Variants in PTPN4 observed in about 807,000 individuals in gnomAD.
PTPN4 encodes tyrosine-protein phosphatase non-receptor type 4.
In PTPN4, 49 loss-of-function variants were observed where a neutral mutation model predicts 135.5. That is an observed-to-expected ratio of 0.36 (90% CI 0.29 to 0.46). PTPN4 has a LOEUF of 0.46. Among genes scored for constraint, PTPN4 ranks in the 20% least tolerant of loss-of-function variants. PTPN4 has a pLI of 1.00. For synonymous variants in PTPN4, 333 were observed against 369.9 expected, an observed-to-expected ratio of 0.90 and a Z score of 1.14; for missense variants, 860 against 1,101.0, an observed-to-expected ratio of 0.78 and a Z score of 3.10.
chr2:119,876,014 T>C (rs1677978049), intron 3 of PTPN4, among the ~76,000 whole-genome samples: 1 of 152,122 alleles, frequency 6.6e-6, no homozygotes, highest in Non-Finnish European at 1.5e-5. Context: ...TTACGGATAA[T>C]GAAGAGTACT....
At chr2:119,904,841 T>C (rs573697613) in intron 10 of PTPN4, among the ~76,000 whole-genome samples, 39 of 152,262 alleles carry the variant, frequency 2.6e-4, no homozygotes, top group African/African-American at 9.1e-4. Context: ...CTTTCTGAGA[T>C]AGGCAAAAAC....
intron 1 of PTPN4, among the ~76,000 whole-genome samples, chr2:119,782,245 C>T (rs1314920853): frequency 1.3e-5 from 2 of 151,916 alleles, no homozygotes; most frequent in Non-Finnish European, 2.9e-5. Flanking sequence ...GGTGAAACCC[C>T]GTCTCTACTA....
intron 2 of PTPN4, among the ~76,000 whole-genome samples, chr2:119,845,241 A>AGGGGG (rs1558742962): frequency 7.1e-5 from 2 of 28,340 alleles, no homozygotes; most frequent in African/African-American, 1.3e-4. Flanking sequence ...GGGGAGAGGG[A>AGGGGG]GAGGGGGAGG....
In PTPN4 at chr2:119,809,829, TA is replaced by T. The variant is rs1291651754; in HGVS notation, c.-17-6del. ...TTTATTTAGTGAATTTTTTTTTTTT[TA>T]ACTTAGACTTTGTGTGGACAGTAAT... is the stretch of plus-strand genomic sequence containing the variant. On this transcript the variant is annotated splice_polypyrimidine_tract_variant and splice_region_variant and intron_variant, in intron 1 of 26. Coordinates refer to ENST00000263708, the MANE Select transcript of PTPN4 (RefSeq NM_002830.4). 5 of 1,552,852 alleles carry T rather than the reference TA, an allele frequency of 3.2e-6. No homozygotes were observed. The highest frequency in any genetic ancestry group is 4.3e-6 in the Non-Finnish European group (5 of 1,154,810).
intron 26 of PTPN4, among the ~76,000 whole-genome samples, chr2:119,976,004 T>A (rs201994112): frequency 0.051 from 7,507 of 148,268 alleles, 209 homozygotes; most frequent in African/African-American, 0.09. Context: ...TATTTATTTT[T>A]TTTTTTTTTG....
intron 26 of PTPN4, among the ~76,000 whole-genome samples, chr2:119,975,639 C>G (rs980062825): frequency 2.0e-5 from 3 of 152,100 alleles, no homozygotes; most frequent in Admixed American, 6.5e-5. Context: ...GCAGGAGACT[C>G]TCTTGAACCC....
intron 10 of PTPN4, among the ~76,000 whole-genome samples, chr2:119,913,878 A>G (rs1024275256): frequency 2.6e-5 from 4 of 152,224 alleles, no homozygotes; most frequent in African/African-American, 9.6e-5. Context: ...GGTTATGGCT[A>G]TATTACTGCT....
intron 16 of PTPN4, among the ~76,000 whole-genome samples, chr2:119,945,928 A>C (rs1300854874): frequency 6.6e-6 from 1 of 152,200 alleles, no homozygotes; most frequent in African/African-American, 2.4e-5. Flanking sequence ...TATGTGAATT[A>C]TATCTCAATA....
chr2:119,784,832 C>A (rs1480154422), intron 1 of PTPN4, among the ~76,000 whole-genome samples: 1 of 151,918 alleles, frequency 6.6e-6, no homozygotes, highest in African/African-American at 2.4e-5. Flanking sequence ...GCCACCATGC[C>A]TGGTCAGTCT....
chr2:119,895,916 CAAA>C (rs534245263), intron 9 of PTPN4, among the ~76,000 whole-genome samples: 3 of 111,038 alleles, frequency 2.7e-5, no homozygotes, highest in Non-Finnish European at 1.9e-5. Flanking sequence ...GACTCTGTCT[CAAA>C]AAAAAAAAAA....
chr2:119,882,633 T>G lies in PTPN4; in HGVS notation c.587+10T>G, dbSNP rs753907234. On this transcript the variant is annotated intron_variant, in intron 8 of 26. Transcript: ENST00000263708. Reference sequence around the variant, plus strand: ...TACATCAGCAACACATGTAAGAGTTTTTTAGTTTTTTATTTGATAAACTTC... The same window carrying G: ...TACATCAGCAACACATGTAAGAGTTGTTTAGTTTTTTATTTGATAAACTTC... 1.3e-6 allele frequency: 2 copies of G among 1,495,226 alleles called. No individual in the cohort carries two copies. The highest frequency in any genetic ancestry group is 1.8e-6 in the Non-Finnish European group (2 of 1,104,766). The allele number at this position is 1,495,226 out of a possible 1,614,324, so 92.6% of individuals were successfully genotyped here. A position where few individuals can be genotyped will look rare whatever the true frequency, so the allele number is the denominator to read the frequency against.
intron 8 of PTPN4, among the ~76,000 whole-genome samples, chr2:119,884,280 G>A (rs751815485): frequency 2.0e-5 from 3 of 152,198 alleles, no homozygotes; most frequent in Non-Finnish European, 4.4e-5. Flanking sequence ...AAGAAGAATA[G>A]CATTTTGTGG....
chr2:119,804,656 C>T (rs573083664), intron 1 of PTPN4, among the ~76,000 whole-genome samples: 1 of 152,314 alleles, frequency 6.6e-6, no homozygotes, highest in African/African-American at 2.4e-5. Context: ...ATATGTGCCA[C>T]ATTTTCTTAA....
chr2:119,856,251 C>T (rs1677679559), intron 2 of PTPN4, among the ~76,000 whole-genome samples: 1 of 152,144 alleles, frequency 6.6e-6, no homozygotes, highest in Non-Finnish European at 1.5e-5. Context: ...GTTTTCCTCC[C>T]CACATCTTTG....
At chr2:119,844,805 A>C (rs1298204403) in intron 2 of PTPN4, among the ~76,000 whole-genome samples, 1 of 142,846 alleles carries the variant, frequency 7.0e-6, no homozygotes, top group Non-Finnish European at 1.5e-5. Context: ...CACATCCCAG[A>C]CGATGGGCGG....
chr2:119,965,158 C>T (rs1372209068), intron 24 of PTPN4, among the ~76,000 whole-genome samples: 2 of 152,112 alleles, frequency 1.3e-5, no homozygotes, highest in East Asian at 3.8e-4. Context: ...GTCCTTTAGA[C>T]CAACTGAGTC....
intron 22 of PTPN4, 43 bp downstream of exon 22, chr2:119,957,120 G>A (rs186523126): frequency 2.2e-5 from 34 of 1,528,658 alleles, no homozygotes; most frequent in East Asian, 1.8e-4. Context: ...GGAAAAATAC[G>A]AGCCACTATG....
chr2:119,851,210 A>C (rs1677585873), intron 2 of PTPN4, among the ~76,000 whole-genome samples: 1 of 152,180 alleles, frequency 6.6e-6, no homozygotes, highest in Non-Finnish European at 1.5e-5. Flanking sequence ...AACTGTTGTT[A>C]CCGGTGGAAG....
At chr2:119,933,374 A>G (rs1678933672) in intron 14 of PTPN4, among the ~76,000 whole-genome samples, 1 of 152,122 alleles carries the variant, frequency 6.6e-6, no homozygotes, top group African/African-American at 2.4e-5. Flanking sequence ...ATGTTTAATA[A>G]ATTTGTATAA....
Sources: allele counts gnomAD v4.1 joint callset (sites outside exome capture counted in the v4.1 genomes callset), GRCh38; gene constraint gnomAD v4.1.1; transcripts MANE v1.5; gene names NCBI Gene and HGNC (gene_info 2026-07-23, HGNC 2026-07-21).